HSD17B4: variants seen among roughly 807,000 people sequenced by gnomAD.
HSD17B4 encodes hydroxysteroid 17-beta dehydrogenase 4.
In HSD17B4, 70 loss-of-function variants were observed where a neutral mutation model predicts 101.0. That is an observed-to-expected ratio of 0.69 (90% confidence interval 0.57 to 0.85). The LOEUF is 0.85. Ranked by LOEUF, HSD17B4 falls within the 40% of genes least tolerant of loss-of-function variation. HSD17B4 has a pLI of 0.00. For missense variants in HSD17B4, 984 were observed against 892.4 expected (o/e 1.10, Z -1.31); for synonymous variants, 347 against 297.1 (o/e 1.17, Z -1.73).
chr5:119,499,226 C>T (rs1750927533), intron 12 of HSD17B4, 91 bp from the exon 13 acceptor site: 4 of 813,248 alleles, frequency 4.9e-6, no homozygotes, highest in Admixed American at 1.8e-5. Context: ...ATTCTAGTCA[C>T]ATCTATTCAA....
At chr5:119,520,334 A>C (rs60871537) in intron 17 of HSD17B4, among the ~76,000 whole-genome samples, 4,319 of 152,010 alleles carry the variant, frequency 0.028, 196 homozygotes, top group African/African-American at 0.096. Context: ...GGTGCTTCGA[A>C]TCTTCCCTAC....
At chr5:119,473,670 A>G (rs1748259421) in intron 2 of HSD17B4, among the ~76,000 whole-genome samples, 2 of 152,144 alleles carry the variant, frequency 1.3e-5, no homozygotes, top group Admixed American at 1.3e-4. Context: ...TAAAAATTTC[A>G]TGAGAACAAC....
At chr5:119,484,202 T>A (rs528234865) in intron 8 of HSD17B4, among the ~76,000 whole-genome samples, 96 of 152,232 alleles carry the variant, frequency 6.3e-4, no homozygotes, top group African/African-American at 2.2e-3. Context: ...ACTGAGACCC[T>A]CCCTTAAAAA....
At chr5:119,468,844 T>A (rs2678067) in intron 2 of HSD17B4, among the ~76,000 whole-genome samples, 28,513 of 151,258 alleles carry the variant, frequency 0.19, 4,812 homozygotes, top group African/African-American at 0.46. Flanking sequence ...ATTTCAAAAG[T>A]CCTGTCTTTG....
chr5:119,531,532 C>T (rs1180218382), intron 22 of HSD17B4, 128 bp downstream of exon 22: 34 of 854,258 alleles, frequency 4.0e-5, no homozygotes, highest in South Asian at 1.2e-4. Flanking sequence ...TTTCTTTTCC[C>T]GTGGGAATGA....
intron 1 of HSD17B4, among the ~76,000 whole-genome samples, chr5:119,455,201 C>T (rs1003553699): frequency 1.3e-5 from 2 of 152,114 alleles, no homozygotes; most frequent in Non-Finnish European, 1.5e-5. Context: ...GTGTTTTTCC[C>T]GAGATACTCT....
At chr5:119,530,868 A>C (rs1030912820) in intron 21 of HSD17B4, among the ~76,000 whole-genome samples, 3 of 147,334 alleles carry the variant, frequency 2.0e-5, no homozygotes, top group Non-Finnish European at 4.4e-5. Context: ...AAAAAACAAA[A>C]AACAAAAAAA....
At chr5:119,530,307 C>G (rs1252281526) in intron 21 of HSD17B4, among the ~76,000 whole-genome samples, 1 of 152,054 alleles carries the variant, frequency 6.6e-6, no homozygotes, top group Non-Finnish European at 1.5e-5. Flanking sequence ...GTTGAATATC[C>G]TGTACCTTTT....
At chr5:119,493,614 CTTCAAATGT>C in intron 10 of HSD17B4, 195 bp from the exon 11 acceptor site, 1 of 518,554 alleles carries the variant, frequency 1.9e-6, no homozygotes, top group Non-Finnish European at 3.5e-6. Flanking sequence ...TTCCCTTCAG[CTTCAAATGT>C]TTCTTTAAAT....
chr5:119,499,129 G>T (rs896847863), intron 12 of HSD17B4, among the ~76,000 whole-genome samples, 188 bp from the exon 13 acceptor site: 26 of 152,136 alleles, frequency 1.7e-4, no homozygotes, highest in Non-Finnish European at 3.2e-4. Context: ...AACTGTAAAT[G>T]AAGTCCTTTT....
At chr5:119,500,090 A>G (rs879253484) in intron 13 of HSD17B4, among the ~76,000 whole-genome samples, 4 of 152,128 alleles carry the variant, frequency 2.6e-5, no homozygotes, top group Admixed American at 2.6e-4. Context: ...CCATTTGTTG[A>G]TCTGAGCTGA....
In HSD17B4 at chr5:119,519,136, TCAAAA is replaced by T. The variant is rs558103619; in HGVS notation, c.1503+4110_1503+4114del. The stretch of plus-strand genomic sequence containing the variant: ...CTAGGTAACAGAGCAAGACCCTGTC[TCAAAA>T]CAAAACAAAACAAAACAAACGAGTA... On this transcript the variant is annotated intron_variant, in intron 17 of 23. Coordinates refer to ENST00000510025, the MANE Select transcript of HSD17B4 (RefSeq NM_000414.4). Among the ~76,000 whole-genome samples, 21 of 152,250 alleles carry T rather than the reference TCAAAA, an allele frequency of 1.4e-4. No individual in the cohort carries two copies. The South Asian group carries it at 2.9e-3, about 21-fold the overall frequency.
chr5:119,458,146 A>G (rs906128298), intron 2 of HSD17B4, among the ~76,000 whole-genome samples: 3 of 152,222 alleles, frequency 2.0e-5, no homozygotes, highest in Non-Finnish European at 4.4e-5. Flanking sequence ...AAGTCCAAGA[A>G]TATAGAAGAA....
At chr5:119,458,622 G>A (rs536666856) in intron 2 of HSD17B4, among the ~76,000 whole-genome samples, 8 of 151,500 alleles carry the variant, frequency 5.3e-5, no homozygotes, top group Non-Finnish European at 1.0e-4. Context: ...ACATTTCATT[G>A]GCCAAAGGAA....
At chr5:119,527,985 A>G (rs1053927659) in intron 20 of HSD17B4, among the ~76,000 whole-genome samples, 1 of 152,168 alleles carries the variant, frequency 6.6e-6, no homozygotes, top group Non-Finnish European at 1.5e-5. Context: ...TTTTGTTAAC[A>G]CAGTTGACCA....
chr5:119,456,477 A>G, intron 2 of HSD17B4, 109 bp downstream of exon 2: 4 of 826,416 alleles, frequency 4.8e-6, no homozygotes, highest in Non-Finnish European at 6.2e-6. Context: ...GAATTTTATT[A>G]TTAATTTTTA....
intron 2 of HSD17B4, among the ~76,000 whole-genome samples, chr5:119,457,405 G>A (rs1316105658): frequency 6.6e-6 from 1 of 152,236 alleles, no homozygotes; most frequent in Non-Finnish European, 1.5e-5. Flanking sequence ...CAAGCCCTAA[G>A]CAGAGCACTT....
At chr5:119,452,953 T>G in intron 1 of HSD17B4, 1 of 1,038,362 alleles carries the variant, frequency 9.6e-7, no homozygotes, top group South Asian at 1.4e-5. Context: ...GGGCATCGAT[T>G]GTTACTCTTC....
intron 2 of HSD17B4, among the ~76,000 whole-genome samples, chr5:119,457,104 G>T (rs1321347642): frequency 6.6e-6 from 1 of 152,200 alleles, no homozygotes. Context: ...TTAGTAATCT[G>T]CATGGTTTGG....
Sources: gnomAD v4.1 joint callset for allele counts (sites outside exome capture counted in the v4.1 genomes callset) on GRCh38, gnomAD v4.1.1 for gene constraint, MANE v1.5 for transcripts, NCBI Gene and HGNC (gene_info 2026-07-23, HGNC 2026-07-21) for gene names.